Variants in ZNF713 observed in about 807,000 individuals in gnomAD.
The protein encoded by ZNF713 is zinc finger protein 713.
A neutral mutation model predicts 28.7 loss-of-function variants in ZNF713; 21 were observed. That is an observed-to-expected ratio of 0.73 (90% CI 0.52 to 1.05). The LOEUF is 1.05. Among genes scored for constraint, ZNF713 ranks in the 50% least tolerant of loss-of-function variants. The pLI is 0.00. For synonymous variants in ZNF713, 167 were observed against 178.0 expected, an observed-to-expected ratio of 0.94 and a Z score of 0.49; for missense variants, 458 against 532.4, an observed-to-expected ratio of 0.86 and a Z score of 1.37.
intron 6 of ZNF713, among the ~76,000 whole-genome samples, chr7:55,926,210 G>A (rs936178765): frequency 2.2e-4 from 34 of 152,028 alleles, no homozygotes; most frequent in African/African-American, 8.0e-4. Context: ...CTCGGGAGGC[G>A]GAGGCAGGAA....
At chr7:55,932,910 A>G (rs1239640650) in intron 6 of ZNF713, among the ~76,000 whole-genome samples, 1 of 140,332 alleles carries the variant, frequency 7.1e-6, no homozygotes, top group Non-Finnish European at 1.5e-5. Flanking sequence ...AAAAAAAAAA[A>G]GAAGCTACAA....
At chr7:55,901,070 G>A (rs1168597785) in intron 1 of ZNF713, among the ~76,000 whole-genome samples, 1 of 152,138 alleles carries the variant, frequency 6.6e-6, no homozygotes, top group Non-Finnish European at 1.5e-5. Flanking sequence ...TATGATAATT[G>A]GCTATTCCAC....
rs1785678328 is a variant in ZNF713 at position 55,906,323 on chromosome 7, T to G, written c.-512T>G. 6.6e-6 allele frequency: 1 copy of G among 152,198 alleles called. No homozygotes were observed. The highest frequency in any genetic ancestry group is 6.5e-5 in the Admixed American group (1 of 15,272). 9.4% of individuals were successfully genotyped at this position (152,198 alleles called of 1,614,324 possible). A position where few individuals can be genotyped will look rare whatever the true frequency, so the allele number is the denominator to read the frequency against. On this transcript the variant is annotated 5_prime_UTR_variant, in exon 2 of 7. Transcript: ENST00000429591. ...CACCACTGGTGTTGCTCTTTGAAAG[T>G]GGCGCTTGGCACCAGCATGAACTCC...
chr7:55,904,888 G>A (rs776807658), intron 1 of ZNF713, among the ~76,000 whole-genome samples: 12 of 151,946 alleles, frequency 7.9e-5, no homozygotes, highest in Non-Finnish European at 1.3e-4. Context: ...CACCACACCC[G>A]GCTAATTTTT....
intron 4 of ZNF713, chr7:55,918,012 C>T (rs1231886950): frequency 6.6e-6 from 3 of 455,402 alleles, no homozygotes; most frequent in East Asian, 1.4e-4. Context: ...TGCTTTCTTG[C>T]AAGTGACTTT....
intron 1 of ZNF713, among the ~76,000 whole-genome samples, chr7:55,901,065 T>A (rs1785567067): frequency 6.6e-6 from 1 of 152,242 alleles, no homozygotes; most frequent in Non-Finnish European, 1.5e-5. Flanking sequence ...ACAGATATGA[T>A]AATTGGCTAT....
intron 6 of ZNF713, among the ~76,000 whole-genome samples, chr7:55,928,342 CTG>C (rs1008715584): frequency 1.2e-4 from 18 of 152,130 alleles, no homozygotes; most frequent in African/African-American, 3.9e-4. Context: ...AGGAGGAAAA[CTG>C]TGTGAAACTG....
chr7:55,913,839 C>T (rs1359350305), intron 4 of ZNF713, among the ~76,000 whole-genome samples: 3 of 151,978 alleles, frequency 2.0e-5, no homozygotes, highest in African/African-American at 7.2e-5. Flanking sequence ...TGGCTGAGTG[C>T]AGGGGCTCAT....
chr7:55,939,573 A>T lies in ZNF713; in HGVS notation c.899A>T (p.His300Leu). The change falls in exon 7 of 7, where the codon CAT (histidine) becomes CTT (leucine). Residue 300 changes from histidine to leucine, a missense_variant. Coordinates refer to ENST00000429591, the MANE Select transcript of ZNF713 (RefSeq NM_182633.3). ...GGAAAAAGATTCAGCCAGAGGATACATCTCATTCAACATCAGAGAATTCAC... is the reference window on the plus strand; with the variant it reads ...GGAAAAAGATTCAGCCAGAGGATACTTCTCATTCAACATCAGAGAATTCAC... ...ECGKRFSQRI[H>L]LIQHQRIHTG... 1 of 1,614,076 alleles carries T rather than the reference A, an allele frequency of 6.2e-7. No homozygotes were observed. Among genetic ancestry groups the T allele is most frequent in the Non-Finnish European group, 8.5e-7 (1 of 1,179,988 alleles).
chr7:55,899,117 G>A (rs1785524241), intron 1 of ZNF713, among the ~76,000 whole-genome samples: 1 of 152,014 alleles, frequency 6.6e-6, no homozygotes, highest in African/African-American at 2.4e-5. Context: ...ACTTTGGGAG[G>A]CCGAGGCGGG....
chr7:55,923,587 T>A lies in ZNF713; in HGVS notation c.215-20T>A. 1.3e-6 allele frequency: 2 copies of A among 1,568,318 alleles called. No individual in the cohort carries two copies. Among genetic ancestry groups the A allele is most frequent in the Non-Finnish European group, 1.7e-6 (2 of 1,152,912 alleles). On this transcript the variant is annotated intron_variant, in intron 5 of 6. Coordinates refer to ENST00000429591, the MANE Select transcript of ZNF713 (RefSeq NM_182633.3). ...GTTCCCAGTACAAACTCCTAAGATG[T>A]ATGTTACTCCTGTGAATAGGGTATC...
At chr7:55,923,422 G>C (rs1786031691) in intron 5 of ZNF713, 134 bp downstream of exon 5, 1 of 1,297,206 alleles carries the variant, frequency 7.7e-7, no homozygotes, top group Non-Finnish European at 1.1e-6. Flanking sequence ...TGGAGTCAAA[G>C]ACCTTTGTTT....
At chr7:55,937,159 G>A (rs1050659071) in intron 6 of ZNF713, among the ~76,000 whole-genome samples, 12 of 152,038 alleles carry the variant, frequency 7.9e-5, no homozygotes, top group Admixed American at 6.6e-5. Flanking sequence ...GATTAACCAG[G>A]TGTAGTGGTG....
chr7:55,910,212 T>C (rs1785761883), intron 2 of ZNF713, among the ~76,000 whole-genome samples: 1 of 152,150 alleles, frequency 6.6e-6, no homozygotes, highest in Non-Finnish European at 1.5e-5. Flanking sequence ...TGGGGTTTTC[T>C]AGGTATAAGA....
In ZNF713 at chr7:55,940,251, T is replaced by A; in HGVS notation, c.*245T>A. 1 of 620,020 alleles carries A rather than the reference T, an allele frequency of 1.6e-6. No individual in the cohort carries two copies. The highest frequency in any genetic ancestry group is 2.3e-6 in the Non-Finnish European group (1 of 431,142). The allele number at this position is 620,020 out of a possible 1,614,324, so 38.4% of individuals were successfully genotyped here. A position where few individuals can be genotyped will look rare whatever the true frequency, so the allele number is the denominator to read the frequency against. On this transcript the variant is annotated 3_prime_UTR_variant, in exon 7 of 7. Coordinates refer to ENST00000429591, the MANE Select transcript of ZNF713 (RefSeq NM_182633.3). ...GATTCTCCTGCCTCAGCCTCCTGAG[T>A]AGCTGGGACCACAGGTATGCACCAC...
Position 55,907,406 on chromosome 7 carries a change from A to G in ZNF713, c.-456+1027A>G, listed in dbSNP as rs190021336. Among the ~76,000 whole-genome samples the G allele has an allele frequency of 3.3e-5, 5 of 152,332 alleles. No homozygotes were observed. The East Asian group carries it at 9.6e-4, about 29-fold the overall frequency. ...ATACTTTCTTTGTCCTGTATTCATTAAAGGGCTTCATCCTGAAGTTAGTTC... is the reference window on the plus strand; with the variant it reads ...ATACTTTCTTTGTCCTGTATTCATTGAAGGGCTTCATCCTGAAGTTAGTTC... On this transcript the variant is annotated intron_variant, in intron 2 of 6. Transcript: ENST00000429591.
intron 4 of ZNF713, among the ~76,000 whole-genome samples, 156 bp from the exon 5 acceptor site, chr7:55,923,006 A>G (rs1468287628): frequency 2.6e-5 from 4 of 152,194 alleles, no homozygotes; most frequent in Non-Finnish European, 5.9e-5. Flanking sequence ...AAAGGTACTA[A>G]TTTTTTTAAA....
intron 6 of ZNF713, among the ~76,000 whole-genome samples, chr7:55,930,436 G>A (rs1019778488): frequency 1.3e-5 from 2 of 152,096 alleles, no homozygotes; most frequent in African/African-American, 4.8e-5. Context: ...GGTGTTGTAG[G>A]CTCTTTGGAT....
chr7:55,913,728 G>C (rs1785830484), intron 4 of ZNF713, among the ~76,000 whole-genome samples: 1 of 152,134 alleles, frequency 6.6e-6, no homozygotes, highest in Non-Finnish European at 1.5e-5. Context: ...CGTGTCAGTT[G>C]CTTGTGTAAT....
Sources: allele counts gnomAD v4.1 joint callset (sites outside exome capture counted in the v4.1 genomes callset), GRCh38; gene constraint gnomAD v4.1.1; transcripts MANE v1.5; gene names NCBI Gene and HGNC (gene_info 2026-07-23, HGNC 2026-07-21).